LCP1: variants seen among roughly 807,000 people sequenced by gnomAD.
LCP1 encodes the protein lymphocyte cytosolic protein 1, also known as plastin-2.
LCP1 carries 23 observed loss-of-function variants against 72.0 expected under a neutral mutation model. The observed-to-expected ratio is 0.32, with a 90% confidence interval of 0.23 to 0.45. LCP1 has a LOEUF of 0.45. Among genes scored for constraint, LCP1 ranks in the 20% least tolerant of loss-of-function variants. The pLI is 1.00. For missense variants in LCP1, 571 were observed against 748.3 expected, an observed-to-expected ratio of 0.76 and a Z score of 2.76; for synonymous variants, 245 against 275.4, an observed-to-expected ratio of 0.89 and a Z score of 1.09.
At position 46,126,699 on chromosome 13, in the gene LCP1, A is replaced by G; in HGVS notation, c.*892T>C. On this transcript the variant is annotated 3_prime_UTR_variant, in exon 16 of 16. Transcript: ENST00000323076. ...TAATGTGAGGGCTAAATGCCTGGAGAGGCAGAACCCTAAAGGATGCTTAGT... is the reference window on the plus strand; with the variant it reads ...TAATGTGAGGGCTAAATGCCTGGAGGGGCAGAACCCTAAAGGATGCTTAGT... 2 of 231,654 alleles carry G rather than the reference A, an allele frequency of 8.6e-6. No individual in the cohort carries two copies. The highest frequency in any genetic ancestry group is 1.7e-5 in the Non-Finnish European group (2 of 117,010). 14.3% of individuals were successfully genotyped at this position (231,654 alleles called of 1,614,324 possible).
intron 14 of LCP1, among the ~76,000 whole-genome samples, chr13:46,132,164 C>T (rs957953678): frequency 2.6e-5 from 4 of 152,174 alleles, no homozygotes; most frequent in East Asian, 3.9e-4. Context: ...AAATGAGCCC[C>T]GAGTGTTACA....
rs2045710865 is a variant in LCP1 at position 46,143,522 on chromosome 13, T to C, written c.1254-118A>G. On this transcript the variant is annotated intron_variant, in intron 11 of 15. Coordinates refer to ENST00000323076, the MANE Select transcript of LCP1 (RefSeq NM_002298.5). ...GAATATTCACAACAACCCTGCACAC[T>C]TGGTAGTCGTAGCTCCATCTATAGA... 6.2e-6 allele frequency: 4 copies of C among 641,498 alleles called. No individual in the cohort carries two copies. The South Asian group carries it at 7.2e-5, about 12-fold the overall frequency. The allele number at this position is 641,498 out of a possible 1,614,324, so 39.7% of individuals were successfully genotyped here. A position where few individuals can be genotyped will look rare whatever the true frequency, so the allele number is the denominator to read the frequency against.
intron 4 of LCP1, among the ~76,000 whole-genome samples, chr13:46,157,389 T>G (rs112438947): frequency 0.013 from 1,965 of 152,282 alleles, 55 homozygotes; most frequent in African/African-American, 0.044. Flanking sequence ...CTGAGTTTCT[T>G]GATACAATTA....
In LCP1 at chr13:46,158,869, T is replaced by C. The variant is rs2045820165; in HGVS notation, c.185A>G (p.Asp62Gly). 6.8e-6 allele frequency: 11 copies of C among 1,614,186 alleles called. No individual in the cohort carries two copies. The highest frequency in any genetic ancestry group is 9.3e-6 in the Non-Finnish European group (11 of 1,180,026). ...EITENLMATG[D>G]LDQDGRISFD... ...GCTGATCCTTCCATCTTGGTCCAGA[T>C]CACCTGTAGCCATCAGGTTTTCTGT... is the stretch of plus-strand genomic sequence containing the variant. Residue 62 changes from aspartate (D) to glycine (G), a missense_variant, in exon 3 of 16, where the codon GAT becomes GGT. Asp to Gly is a moderately conservative substitution (Grantham distance 94). Transcript: ENST00000323076.
At chr13:46,146,800 G>T in intron 10 of LCP1, 108 bp downstream of exon 10, 1 of 1,107,198 alleles carries the variant, frequency 9.0e-7, no homozygotes, top group Non-Finnish European at 1.4e-6. Flanking sequence ...TTAATGGCCT[G>T]TTTGCACATG....
chr13:46,174,834 C>CA (rs398056355), intron 1 of LCP1, among the ~76,000 whole-genome samples: 22,839 of 81,788 alleles, frequency 0.28, 2,323 homozygotes, highest in East Asian at 0.36. Flanking sequence ...ACTCCATCTT[C>CA]AAAAAAAAAA....
rs893306599 is a variant in LCP1, at chr13:46,145,860, G to C, written c.1174+1048C>G. On this transcript the variant is annotated intron_variant, in intron 10 of 15. Transcript: ENST00000323076. ...GGAGGCGGAGCTTGCAGTGAGCCGA[G>C]ATCCCGCCACTGCACTCCAGCCTGG... is the stretch of plus-strand genomic sequence containing the variant. Among the ~76,000 whole-genome samples, 2 of 100,448 alleles carry C rather than the reference G, an allele frequency of 2.0e-5. 1 individual carries two copies. The highest frequency in any genetic ancestry group is 8.7e-5 in the African/African-American group (2 of 22,990). 65.9% of individuals were successfully genotyped at this position (100,448 alleles called of 152,430 possible).
In LCP1 at chr13:46,159,684, G is replaced by A; in HGVS notation, c.-22C>T. ...CCATTTTTTATTGCTTTAGGTAACA[G>A]ATCTGGAGAGAAGAAGAACATAAGG... On this transcript the variant is annotated splice_region_variant and 5_prime_UTR_variant, in exon 2 of 16. Transcript: ENST00000323076. 1 of 1,585,790 alleles carries A rather than the reference G, an allele frequency of 6.3e-7. No individual in the cohort carries two copies. Among genetic ancestry groups the A allele is most frequent in the Non-Finnish European group, 8.7e-7 (1 of 1,154,646 alleles).
intron 13 of LCP1, among the ~76,000 whole-genome samples, chr13:46,141,274 C>T (rs1290728344): frequency 6.6e-6 from 1 of 151,742 alleles, no homozygotes; most frequent in African/African-American, 2.4e-5. Context: ...GGCATGGTGG[C>T]GTGGACCTGT....
At chr13:46,159,708 G>A (rs1484515431) in intron 1 of LCP1, 22 bp from the exon 2 acceptor site, 2 of 1,445,860 alleles carry the variant, frequency 1.4e-6, no homozygotes, top group African/African-American at 1.4e-5. Flanking sequence ...AAGAACATAA[G>A]GGATAACTTT....
Position 46,179,708 on chromosome 13 carries a change from G to T in LCP1, c.-25+2403C>A, listed in dbSNP as rs148222764. Reference sequence around the variant, plus strand: ...AGGTGAAAGAGAATGGAACTTTCTGGTGGCTTGTGGTCTGGTGCACCAAAA... The same window carrying T: ...AGGTGAAAGAGAATGGAACTTTCTGTTGGCTTGTGGTCTGGTGCACCAAAA... On this transcript the variant is annotated intron_variant, in intron 1 of 15. Coordinates refer to ENST00000323076, the MANE Select transcript of LCP1 (RefSeq NM_002298.5). Among the ~76,000 whole-genome samples, 702 of 152,110 alleles carry T rather than the reference G, an allele frequency of 4.6e-3. 4 individuals carry two copies. Among genetic ancestry groups the T allele is most frequent in the African/African-American group, 0.016 (661 of 41,502 alleles).
chr13:46,181,207 C>T (rs769677772), intron 1 of LCP1, among the ~76,000 whole-genome samples: 3 of 152,150 alleles, frequency 2.0e-5, no homozygotes, highest in South Asian at 2.1e-4. Flanking sequence ...GATTAATGTT[C>T]GCATTTCCAG....
At chr13:46,151,456 T>G (rs1312604294) in intron 7 of LCP1, among the ~76,000 whole-genome samples, 2 of 152,252 alleles carry the variant, frequency 1.3e-5, no homozygotes, top group Non-Finnish European at 2.9e-5. Context: ...GAGATCAATT[T>G]TGTAATAATA....
intron 8 of LCP1, 144 bp from the exon 9 acceptor site, chr13:46,148,591 C>G: frequency 1.6e-6 from 1 of 635,258 alleles, no homozygotes; most frequent in South Asian, 1.9e-5. Flanking sequence ...GAAACATTCA[C>G]TAATTTGAAT....
chr13:46,160,813 G>A (rs1240577199), intron 1 of LCP1, among the ~76,000 whole-genome samples: 1 of 152,180 alleles, frequency 6.6e-6, no homozygotes, highest in Non-Finnish European at 1.5e-5. Context: ...GAGTGGGAGT[G>A]TGGGGGTTGG....
chr13:46,152,846 G>C lies in LCP1; in HGVS notation c.673C>G (p.Leu225Val). The C allele has an allele frequency of 6.2e-7, 1 of 1,614,138 alleles. No individual in the cohort carries two copies. Among genetic ancestry groups the C allele is most frequent in the Non-Finnish European group, 8.5e-7 (1 of 1,180,016 alleles). Residue 225 changes from leucine to valine, a missense_variant, in exon 7 of 16, where the codon CTG becomes GTG. Coordinates refer to ENST00000323076, the MANE Select transcript of LCP1 (RefSeq NM_002298.5). ...TTGATGACTTGCCACAGAAGTCCCA[G>C]GACCAGATAAGGCTTCCCCTCCTTC... ...DLKEGKPYLV[L>V]GLLWQVIKIG...
chr13:46,180,186 A>C (rs1278648638), intron 1 of LCP1, among the ~76,000 whole-genome samples: 2 of 152,146 alleles, frequency 1.3e-5, no homozygotes, highest in Non-Finnish European at 2.9e-5. Context: ...CCAACTGCCC[A>C]GTGACCTATG....
intron 13 of LCP1, among the ~76,000 whole-genome samples, chr13:46,138,031 T>C (rs1219051653): frequency 6.6e-6 from 1 of 152,238 alleles, no homozygotes; most frequent in African/African-American, 2.4e-5. Flanking sequence ...GTTTCCTAAT[T>C]GTCTGCTTCG....
Position 46,145,879 on chromosome 13 carries a change from A to C in LCP1, c.1174+1029T>G. On this transcript the variant is annotated intron_variant, in intron 10 of 15. Transcript: ENST00000323076. ...AGCCGAGATCCCGCCACTGCACTCC[A>C]GCCTGGGCGACAGAGCGAGACTCCG... Among the ~76,000 whole-genome samples, 2 of 106,854 alleles carry C rather than the reference A, an allele frequency of 1.9e-5. 1 individual carries two copies. Among genetic ancestry groups the C allele is most frequent in the African/African-American group, 7.6e-5 (2 of 26,320 alleles). The allele number at this position is 106,854 out of a possible 152,430, so 70.1% of individuals were successfully genotyped here. A position where few individuals can be genotyped will look rare whatever the true frequency, so the allele number is the denominator to read the frequency against.
Sources: gnomAD v4.1 joint callset for allele counts (sites outside exome capture counted in the v4.1 genomes callset) on GRCh38, gnomAD v4.1.1 for gene constraint, MANE v1.5 for transcripts, NCBI Gene and HGNC (gene_info 2026-07-23, HGNC 2026-07-21) for gene names.